SNAPC1: variants seen among roughly 807,000 people sequenced by gnomAD.
SNAPC1 encodes small nuclear RNA activating complex polypeptide 1.
In SNAPC1, 42 loss-of-function variants were observed where a neutral mutation model predicts 50.1. That is an observed-to-expected ratio of 0.84 (90% CI 0.65 to 1.08). The LOEUF is 1.08. SNAPC1 is among the 50% of genes least tolerant of loss of function. The pLI is 0.00. For missense variants in SNAPC1, 477 were observed against 427.3 expected (o/e 1.12, Z -1.02); for synonymous variants, 164 against 144.2 (o/e 1.14, Z -0.98).
chr14:61,791,790 A>G (rs2045153909), intron 8 of SNAPC1, among the ~76,000 whole-genome samples: 1 of 152,146 alleles, frequency 6.6e-6, no homozygotes, highest in African/African-American at 2.4e-5. Context: ...CGGAGGTTGC[A>G]GTGAGCTGGG....
intron 7 of SNAPC1, among the ~76,000 whole-genome samples, chr14:61,779,845 A>G (rs900303162): frequency 6.6e-6 from 1 of 151,428 alleles, no homozygotes; most frequent in Middle Eastern, 3.2e-3. Flanking sequence ...AGTAGCTGGG[A>G]TTACAGGCAT....
At chr14:61,774,849 G>A (rs1328532364) in intron 4 of SNAPC1, among the ~76,000 whole-genome samples, 1 of 151,764 alleles carries the variant, frequency 6.6e-6, no homozygotes, top group African/African-American at 2.4e-5. Context: ...TTTTAGTAGA[G>A]ACGGGGTTTC....
chr14:61,792,129 A>G (rs1183931092), intron 8 of SNAPC1, among the ~76,000 whole-genome samples: 1 of 151,736 alleles, frequency 6.6e-6, no homozygotes, highest in East Asian at 1.9e-4. Context: ...AAAGCAAGAT[A>G]TAACATATCA....
At chr14:61,764,184 TC>T (rs1195759553) in intron 1 of SNAPC1, among the ~76,000 whole-genome samples, 1 of 152,222 alleles carries the variant, frequency 6.6e-6, no homozygotes, top group African/African-American at 2.4e-5. Context: ...TTTAAAATTT[TC>T]CTTTGACTAG....
At chr14:61,783,201 A>ATT (rs531848054) in intron 8 of SNAPC1, among the ~76,000 whole-genome samples, 1 of 146,486 alleles carries the variant, frequency 6.8e-6, no homozygotes, top group Non-Finnish European at 1.5e-5. Flanking sequence ...TTTTTTTTGT[A>ATT]TTTTTTTTTA....
chr14:61,793,723 C>G (rs1402313887), intron 9 of SNAPC1, among the ~76,000 whole-genome samples: 1 of 136,526 alleles, frequency 7.3e-6, no homozygotes, highest in Non-Finnish European at 1.5e-5. Context: ...ATGGCGTGAT[C>G]TCAGCTCACT....
chr14:61,766,561 A>G (rs994360324), intron 1 of SNAPC1, among the ~76,000 whole-genome samples: 3 of 152,274 alleles, frequency 2.0e-5, no homozygotes, highest in African/African-American at 4.8e-5. Context: ...TAAAATGCAC[A>G]TAGTTCTGTA....
At chr14:61,765,641 G>T (rs1224424847) in intron 1 of SNAPC1, among the ~76,000 whole-genome samples, 1 of 152,174 alleles carries the variant, frequency 6.6e-6, no homozygotes, top group African/African-American at 2.4e-5. Context: ...GAGCCGAGAA[G>T]TCACTTTGAA....
chr14:61,785,539 T>G (rs2045109273), intron 8 of SNAPC1, among the ~76,000 whole-genome samples: 1 of 152,196 alleles, frequency 6.6e-6, no homozygotes, highest in Admixed American at 6.5e-5. Flanking sequence ...TTGCCTGGGT[T>G]AAGGATGTGC....
At position 61,767,344 on chromosome 14, in the gene SNAPC1, C is replaced by A; in HGVS notation, c.421C>A (p.Pro141Thr). ...LDRAFHFTAMPKLLSYRMKKK... is the reference protein window; with the variant it reads ...LDRAFHFTAMTKLLSYRMKKK... Reference sequence around the variant, plus strand: ...CAGAGCATTTCACTTTACAGCAATGCCCAAATTGGTATGTTGCCTAAAATA... The same window carrying A: ...CAGAGCATTTCACTTTACAGCAATGACCAAATTGGTATGTTGCCTAAAATA... Residue 141 changes from proline (P) to threonine (T), a missense_variant, in exon 3 of 10, where the codon CCC becomes ACC. Physicochemically the swap from Pro to Thr is conservative, Grantham distance 38. Transcript: ENST00000216294. 6.9e-7 allele frequency: 1 copy of A among 1,457,934 alleles called. No homozygotes were observed. The allele number at this position is 1,457,934 out of a possible 1,614,324, so 90.3% of individuals were successfully genotyped here.
chr14:61,776,074 G>A, intron 4 of SNAPC1, 21 bp from the exon 5 acceptor site: 3 of 1,559,702 alleles, frequency 1.9e-6, no homozygotes, highest in Non-Finnish European at 2.6e-6. Flanking sequence ...AGAAATAAAG[G>A]ACTCATCTTT....
At chr14:61,781,469 A>G (rs902809458) in intron 7 of SNAPC1, among the ~76,000 whole-genome samples, 5 of 148,854 alleles carry the variant, frequency 3.4e-5, no homozygotes, top group Non-Finnish European at 4.4e-5. Flanking sequence ...AAAAAAAAAA[A>G]GGACAGAAAA....
At chr14:61,770,860 G>C (rs958488344) in intron 4 of SNAPC1, among the ~76,000 whole-genome samples, 9 of 152,048 alleles carry the variant, frequency 5.9e-5, no homozygotes, top group African/African-American at 2.2e-4. Flanking sequence ...TCATGCCTCA[G>C]CCTCTCGAGT....
intron 8 of SNAPC1, among the ~76,000 whole-genome samples, chr14:61,787,408 A>T (rs1478203459): frequency 8.7e-5 from 6 of 69,228 alleles, no homozygotes; most frequent in Admixed American, 3.3e-4. Flanking sequence ...TTTTTTTTTT[A>T]AAGAAAATGT....
intron 1 of SNAPC1, among the ~76,000 whole-genome samples, chr14:61,765,483 G>A (rs1195173318): frequency 2.0e-5 from 3 of 152,184 alleles, no homozygotes; most frequent in African/African-American, 7.2e-5. Context: ...TTCTGGAAAG[G>A]CGGGACAACT....
Position 61,762,454 on chromosome 14 carries a change from G to GAA in SNAPC1, c.-7_-6insAA. 1 of 1,612,202 alleles carries GAA rather than the reference G, an allele frequency of 6.2e-7. No individual in the cohort carries two copies. Among genetic ancestry groups the GAA allele is most frequent in the Non-Finnish European group, 8.5e-7 (1 of 1,179,776 alleles). The stretch of plus-strand genomic sequence containing the variant: ...CGGGCTTCGGAGGCGTGCGGGCTTC[G>GAA]GGTGCCATGGGGACTCCTCCCGGCC... On this transcript the variant is annotated 5_prime_UTR_variant, in exon 1 of 10. Transcript: ENST00000216294.
intron 9 of SNAPC1, among the ~76,000 whole-genome samples, chr14:61,794,607 A>C (rs1152573): frequency 2.6e-5 from 4 of 152,024 alleles, no homozygotes; most frequent in Middle Eastern, 3.4e-3. Context: ...ATGGGGTTTC[A>C]CCATGTTAGC....
chr14:61,793,001 G>A, intron 9 of SNAPC1, 99 bp downstream of exon 9: 1 of 589,468 alleles, frequency 1.7e-6, no homozygotes, highest in East Asian at 3.0e-5. Flanking sequence ...TTTGCTGTGT[G>A]TTCTTGTGAT....
chr14:61,770,130 T>G (rs1249216395), intron 4 of SNAPC1, among the ~76,000 whole-genome samples: 1 of 152,184 alleles, frequency 6.6e-6, no homozygotes, highest in African/African-American at 2.4e-5. Flanking sequence ...TAAATGTTAA[T>G]TCCCTTTTTC....
Sources: gnomAD v4.1 joint callset for allele counts (sites outside exome capture counted in the v4.1 genomes callset) on GRCh38, gnomAD v4.1.1 for gene constraint, MANE v1.5 for transcripts, NCBI Gene and HGNC (gene_info 2026-07-23, HGNC 2026-07-21) for gene names.